TTC28: variants seen among roughly 807,000 people sequenced by gnomAD.
TTC28 encodes tetratricopeptide repeat domain 28.
In TTC28, 61 loss-of-function variants were observed where a neutral mutation model predicts 198.0. The observed-to-expected ratio is 0.31, with a 90% CI of 0.25 to 0.38. TTC28 has a LOEUF of 0.38. Among genes scored for constraint, TTC28 ranks in the 10% least tolerant of loss-of-function variants. The probability of loss-of-function intolerance (pLI) is 1.00; values close to 1 mark genes in which losing one functional copy is unlikely to be tolerated. For synonymous variants in TTC28, 1,171 were observed against 1,297.8 expected (o/e 0.90, Z 2.10); for missense variants, 2,678 against 3,164.0 (o/e 0.85, Z 3.69).
chr22:28,347,827 C>T (rs949325055), intron 2 of TTC28, among the ~76,000 whole-genome samples: 5 of 152,168 alleles, frequency 3.3e-5, no homozygotes, highest in African/African-American at 9.7e-5. Context: ...GACAGTGAGC[C>T]GAGATCGTGC....
chr22:28,523,330 A>G (rs1390952853), intron 2 of TTC28, among the ~76,000 whole-genome samples: 2 of 152,224 alleles, frequency 1.3e-5, no homozygotes, highest in African/African-American at 4.8e-5. Context: ...TTTCAGAATA[A>G]TTCTATAAGT....
chr22:28,307,159 ATGT>A (rs1339512592), intron 2 of TTC28, among the ~76,000 whole-genome samples: 2 of 152,180 alleles, frequency 1.3e-5, no homozygotes, highest in Non-Finnish European at 2.9e-5. Flanking sequence ...TACTTTTAAT[ATGT>A]TGTTTCACAC....
intron 12 of TTC28, among the ~76,000 whole-genome samples, chr22:28,088,243 C>T (rs546963745): frequency 3.3e-5 from 5 of 152,250 alleles, no homozygotes; most frequent in South Asian, 2.1e-4. Context: ...GGAGGCATCA[C>T]GCTACCTGAC....
intron 12 of TTC28, among the ~76,000 whole-genome samples, chr22:28,053,961 A>G (rs1940180267): frequency 6.6e-6 from 1 of 152,184 alleles, no homozygotes; most frequent in Non-Finnish European, 1.5e-5. Context: ...TTAAATATAA[A>G]TGCATCCTGA....
chr22:28,466,399 T>C (rs1008600373), intron 2 of TTC28, among the ~76,000 whole-genome samples: 5 of 152,296 alleles, frequency 3.3e-5, no homozygotes, highest in Admixed American at 2.6e-4. Context: ...GTTTCCTCTT[T>C]CCCCTTGAGA....
chr22:28,421,129 T>C (rs922443567), intron 2 of TTC28, among the ~76,000 whole-genome samples: 2 of 152,168 alleles, frequency 1.3e-5, no homozygotes, highest in East Asian at 1.9e-4. Context: ...TGGACCCAAA[T>C]TGTGCTCCCA....
chr22:28,163,114 C>T lies in TTC28; in HGVS notation c.1419G>A (p.Glu473=). 2 of 1,551,058 alleles carry T rather than the reference C, an allele frequency of 1.3e-6. No individual in the cohort carries two copies. The highest frequency in any genetic ancestry group is 1.7e-6 in the Non-Finnish European group (2 of 1,146,628). The change falls in exon 6 of 23, where the codon GAG becomes GAA. Residue 473 remains glutamate (E), a synonymous_variant. Coordinates refer to ENST00000397906, the MANE Select transcript of TTC28 (RefSeq NM_001145418.2). ...IAEDLKDRAA[E]GRASSNLGII... ...TACCTAGATTGGAGGATGCTCGCCC[C>T]TCTGCAGCCCGGTCCTTGAGATCCT...
chr22:28,296,330 TG>T lies in TTC28; in HGVS notation c.803-3del, dbSNP rs2044894695. 1 of 1,506,828 alleles carries T rather than the reference TG, an allele frequency of 6.6e-7. No homozygotes were observed. The highest frequency in any genetic ancestry group is 8.8e-7 in the Non-Finnish European group (1 of 1,131,460). 93.3% of individuals were successfully genotyped at this position (1,506,828 alleles called of 1,614,324 possible). ...CTCGGCATTCTCCTGTCTGGTCACCTGGATTGAATTGAGAAAAAAAAAAAGA... is the reference window on the plus strand; with the variant it reads ...CTCGGCATTCTCCTGTCTGGTCACCTGATTGAATTGAGAAAAAAAAAAAGA... On this transcript the variant is annotated splice_region_variant and splice_polypyrimidine_tract_variant and intron_variant, in intron 4 of 22. Coordinates refer to ENST00000397906, the MANE Select transcript of TTC28 (RefSeq NM_001145418.2).
intron 5 of TTC28, among the ~76,000 whole-genome samples, chr22:28,178,782 C>T (rs1268553550): frequency 6.6e-6 from 1 of 152,188 alleles, no homozygotes; most frequent in Non-Finnish European, 1.5e-5. Flanking sequence ...GTTATTATTA[C>T]ACCCATTGGT....
At chr22:28,261,164 G>C (rs1442057113) in intron 5 of TTC28, among the ~76,000 whole-genome samples, 1 of 152,068 alleles carries the variant, frequency 6.6e-6, no homozygotes. Flanking sequence ...ATTCAACAAA[G>C]TTATAGAGCG....
chr22:28,396,938 A>T (rs2046827734), intron 2 of TTC28, among the ~76,000 whole-genome samples: 1 of 152,172 alleles, frequency 6.6e-6, no homozygotes, highest in African/African-American at 2.4e-5. Flanking sequence ...ACCAGGCACC[A>T]ATACTCACCT....
At chr22:28,527,948 C>T (rs2049041398) in intron 2 of TTC28, among the ~76,000 whole-genome samples, 1 of 152,158 alleles carries the variant, frequency 6.6e-6, no homozygotes, top group South Asian at 2.1e-4. Flanking sequence ...CATCATACAG[C>T]AAGACAGAAC....
chr22:28,161,365 A>G (rs1437949894), intron 6 of TTC28, among the ~76,000 whole-genome samples: 1 of 152,122 alleles, frequency 6.6e-6, no homozygotes, highest in Non-Finnish European at 1.5e-5. Context: ...GCCTCACTGC[A>G]ACAACAAAAC....
chr22:28,032,158 CTTAG>C (rs1333897098), intron 12 of TTC28, among the ~76,000 whole-genome samples: 19 of 118,330 alleles, frequency 1.6e-4, no homozygotes, highest in Non-Finnish European at 2.9e-4. Context: ...TTTATATCTA[CTTAG>C]TGTGTGTATA....
intron 2 of TTC28, among the ~76,000 whole-genome samples, chr22:28,463,319 T>G (rs1246384581): frequency 6.6e-6 from 1 of 152,206 alleles, no homozygotes; most frequent in African/African-American, 2.4e-5. Flanking sequence ...TTGGTGGGAC[T>G]GTAAACTAGT....
At chr22:28,264,776 G>T (rs967614955) in intron 5 of TTC28, among the ~76,000 whole-genome samples, 6 of 152,056 alleles carry the variant, frequency 3.9e-5, no homozygotes, top group Non-Finnish European at 7.4e-5. Context: ...GAAGAACACG[G>T]GTTTAGACCT....
intron 15 of TTC28, 32 bp from the exon 16 acceptor site, chr22:27,999,292 G>A (rs376807638): frequency 3.4e-5 from 51 of 1,517,650 alleles, no homozygotes; most frequent in Admixed American, 8.1e-5. Flanking sequence ...CAGACCACCC[G>A]TCAGACAGAA....
intron 2 of TTC28, among the ~76,000 whole-genome samples, chr22:28,582,580 G>A (rs1251873330): frequency 6.6e-6 from 1 of 152,006 alleles, no homozygotes; most frequent in Non-Finnish European, 1.5e-5. Context: ...AAATTTCAGG[G>A]TAACCTAACA....
At chr22:28,316,518 T>C (rs2045354707) in intron 2 of TTC28, among the ~76,000 whole-genome samples, 1 of 152,166 alleles carries the variant, frequency 6.6e-6, no homozygotes, top group Admixed American at 6.5e-5. Context: ...AATCTATTTG[T>C]ATTGGTTCAA....
Sources: gnomAD v4.1 joint callset for allele counts (sites outside exome capture counted in the v4.1 genomes callset) on GRCh38, gnomAD v4.1.1 for gene constraint, MANE v1.5 for transcripts, NCBI Gene and HGNC (gene_info 2026-07-23, HGNC 2026-07-21) for gene names.